Variants in CPSF7 observed in about 807,000 individuals in gnomAD.
CPSF7 encodes cleavage and polyadenylation specific factor 7, also known as cleavage and polyadenylation specificity factor subunit 7.
Under a neutral mutation model 44.3 loss-of-function variants are expected in CPSF7, and 1 was observed. That is an observed-to-expected ratio of 0.02 (90% CI 0.01 to 0.11). The LOEUF (loss-of-function observed/expected upper bound fraction) is 0.11. CPSF7 is among the 10% of genes least tolerant of loss of function. The probability of loss-of-function intolerance (pLI) is 1.00; values close to 1 mark genes in which losing one functional copy is unlikely to be tolerated. For missense variants in CPSF7, 443 were observed against 607.2 expected (o/e 0.73, Z 2.84); for synonymous variants, 202 against 222.0 (o/e 0.91, Z 0.80).
intron 1 of CPSF7, 105 bp downstream of exon 1, chr11:61,429,809 C>T: frequency 6.5e-7 from 1 of 1,548,560 alleles, no homozygotes; most frequent in African/African-American, 1.4e-5. Context: ...CTCCCTCCGC[C>T]CGCAGACTCC....
At chr11:61,424,755 C>CT (rs568100305) in intron 2 of CPSF7, among the ~76,000 whole-genome samples, 3,913 of 151,718 alleles carry the variant, frequency 0.026, 92 homozygotes, top group South Asian at 0.074. Flanking sequence ...ACCCAGCCTT[C>CT]TTTTTTTTTA....
intron 2 of CPSF7, among the ~76,000 whole-genome samples, chr11:61,424,027 A>G (rs1222797864): frequency 6.6e-6 from 1 of 152,210 alleles, no homozygotes; most frequent in Admixed American, 6.5e-5. Context: ...AAAACGTTAG[A>G]AAAAGAATAT....
chr11:61,416,573 G>A (rs537690488), intron 5 of CPSF7, 54 bp from the exon 6 acceptor site: 1 of 1,561,692 alleles, frequency 6.4e-7, no homozygotes, highest in South Asian at 1.1e-5. Flanking sequence ...CAAACCCACA[G>A]GACCAGTTCA....
rs748042693 is a variant in CPSF7 at position 61,409,943 on chromosome 11, G to A, written c.*5+995C>T. On this transcript the variant is annotated intron_variant, in intron 9 of 9. Transcript: ENST00000439958. ...TGAGATCATGCCACTATACTCCAGC[G>A]TGGGCGGCAAAGTGAGGCTCTGTCT... Among the ~76,000 whole-genome samples the A allele has an allele frequency of 3.9e-5, 6 of 152,124 alleles. No homozygotes were observed. The East Asian group carries it at 5.8e-4, about 15-fold the overall frequency.
chr11:61,408,404 G>A (rs1253257176), intron 9 of CPSF7, among the ~76,000 whole-genome samples: 1 of 152,078 alleles, frequency 6.6e-6, no homozygotes, highest in Non-Finnish European at 1.5e-5. Flanking sequence ...ACCGTGCTCG[G>A]CCAAGGACAT....
intron 2 of CPSF7, among the ~76,000 whole-genome samples, chr11:61,423,051 C>T (rs761379429): frequency 5.1e-5 from 6 of 116,576 alleles, no homozygotes; most frequent in East Asian, 3.1e-4. Flanking sequence ...CACTCGAGCC[C>T]GGGAGGTTGA....
At position 61,421,470 on chromosome 11, in the gene CPSF7, T is replaced by A. The variant is rs1436333261; in HGVS notation, c.193A>T (p.Asn65Tyr). The A allele has an allele frequency of 6.2e-7, 1 of 1,614,010 alleles. No homozygotes were observed. The highest frequency in any genetic ancestry group is 1.7e-5 in the Admixed American group (1 of 60,000). Reference sequence around the variant, plus strand: ...GTATACAGAATTGCAGGGGTCTTGTTGTTGGGCTTGGGAGATGGCTCCTGG... The same window carrying A: ...GTATACAGAATTGCAGGGGTCTTGTAGTTGGGCTTGGGAGATGGCTCCTGG... ...VRQEPSPKPN[N>Y]KTPAILYTYS... The change falls in exon 3 of 10, where the codon AAC (asparagine) becomes TAC (tyrosine). Residue 65 changes from asparagine to tyrosine, a missense_variant. Coordinates refer to ENST00000439958, the MANE Select transcript of CPSF7 (RefSeq NM_001142565.3).
intron 1 of CPSF7, 70 bp downstream of exon 1, chr11:61,429,844 C>T: frequency 1.3e-6 from 2 of 1,545,660 alleles, no homozygotes; most frequent in South Asian, 1.2e-5. Context: ...AACCGACCCC[C>T]TTCCCGCCTC....
intron 2 of CPSF7, among the ~76,000 whole-genome samples, chr11:61,424,244 T>C (rs1253453400): frequency 6.6e-6 from 1 of 152,110 alleles, no homozygotes; most frequent in East Asian, 1.9e-4. Context: ...GGCTAATGAG[T>C]GGGAAAACAT....
chr11:61,416,268 G>A lies in CPSF7; in HGVS notation c.775C>T (p.Pro259Ser). Residue 259 changes from proline to serine, a missense_variant, in exon 6 of 10, where the codon CCC becomes TCC. Transcript: ENST00000439958. The part of the protein sequence containing the change: ...PPGIHYQHLM[P>S]PPPRLPPHLA... ...TGAGGAGGTAATCGAGGAGGTGGGG[G>A]CATGAGATGCTGGTAGTGGATACCA... is the stretch of plus-strand genomic sequence containing the variant. 6.5e-7 allele frequency: 1 copy of A among 1,539,470 alleles called. No individual in the cohort carries two copies. Among genetic ancestry groups the A allele is most frequent in the South Asian group, 1.3e-5 (1 of 78,884 alleles).
intron 9 of CPSF7, among the ~76,000 whole-genome samples, chr11:61,408,877 C>T (rs1182391733): frequency 6.6e-6 from 1 of 152,206 alleles, no homozygotes; most frequent in Non-Finnish European, 1.5e-5. Context: ...TTTCATTTTG[C>T]TTCAAAAGAA....
intron 2 of CPSF7, among the ~76,000 whole-genome samples, chr11:61,423,517 C>T (rs1861087562): frequency 1.3e-5 from 2 of 152,120 alleles, no homozygotes; most frequent in Admixed American, 6.6e-5. Context: ...ATTTTTATTA[C>T]AAGAATTAGA....
chr11:61,416,058 A>G (rs192589216), intron 6 of CPSF7, 47 bp downstream of exon 6: 1 of 1,437,366 alleles, frequency 7.0e-7, no homozygotes, highest in Admixed American at 2.5e-5. Flanking sequence ...AATGCTTAAT[A>G]CACTTATTTA....
intron 9 of CPSF7, among the ~76,000 whole-genome samples, chr11:61,409,626 C>G (rs1859668165): frequency 1.3e-5 from 2 of 151,564 alleles, no homozygotes; most frequent in African/African-American, 4.8e-5. Flanking sequence ...TCCTCTCTGA[C>G]TAAAGCATAT....
intron 1 of CPSF7, 183 bp from the exon 2 acceptor site, chr11:61,429,473 C>T: frequency 1.9e-6 from 1 of 517,108 alleles, no homozygotes; most frequent in Non-Finnish European, 3.3e-6. Context: ...CGCCGGGGGT[C>T]GCTGCCCATC....
chr11:61,415,863 T>TG, intron 6 of CPSF7, 79 bp from the exon 7 acceptor site: 1 of 1,104,286 alleles, frequency 9.1e-7, no homozygotes. Context: ...TTGGTAATTT[T>TG]GGCATAACAC....
At chr11:61,422,598 T>C (rs1860984781) in intron 2 of CPSF7, among the ~76,000 whole-genome samples, 1 of 152,016 alleles carries the variant, frequency 6.6e-6, no homozygotes, top group African/African-American at 2.4e-5. Context: ...ATTACAGGGG[T>C]GACTACCATG....
intron 7 of CPSF7, among the ~76,000 whole-genome samples, 169 bp downstream of exon 7, chr11:61,415,497 T>C (rs1860239388): frequency 6.6e-6 from 1 of 152,208 alleles, no homozygotes. Flanking sequence ...CTGCCGGAGC[T>C]TCCCCAAGGC....
At chr11:61,422,063 A>G (rs1056996327) in intron 2 of CPSF7, among the ~76,000 whole-genome samples, 2 of 152,254 alleles carry the variant, frequency 1.3e-5, no homozygotes, top group African/African-American at 2.4e-5. Context: ...ATTTAGAAAC[A>G]GAATGCAGAG....
Sources: gnomAD v4.1 joint callset for allele counts (sites outside exome capture counted in the v4.1 genomes callset) on GRCh38, gnomAD v4.1.1 for gene constraint, MANE v1.5 for transcripts, NCBI Gene and HGNC (gene_info 2026-07-23, HGNC 2026-07-21) for gene names.